Variants in TENM2 observed in about 807,000 individuals in gnomAD.
TENM2 encodes the protein teneurin-2.
Under a neutral mutation model 245.2 loss-of-function variants are expected in TENM2, and 52 were observed. The ratio of observed to expected loss-of-function variants is 0.21; its 90% CI spans 0.17 to 0.27. The LOEUF (loss-of-function observed/expected upper bound fraction) is 0.27. Among genes scored for constraint, TENM2 ranks in the 10% least tolerant of loss-of-function variants. The pLI is 1.00. For missense variants in TENM2, 3,046 were observed against 3,666.8 expected (o/e 0.83, Z 4.37); for synonymous variants, 1,363 against 1,438.9 (o/e 0.95, Z 1.19).
chr5:167,673,811 C>T (rs1561659948), intron 2 of TENM2, among the ~76,000 whole-genome samples: 1 of 151,832 alleles, frequency 6.6e-6, no homozygotes, highest in Non-Finnish European at 1.5e-5. Context: ...CTTCTATTGA[C>T]CTGTCTATTT....
intron 5 of TENM2, among the ~76,000 whole-genome samples, chr5:167,995,618 G>T (rs1350392913): frequency 4.6e-5 from 7 of 152,222 alleles, no homozygotes; most frequent in African/African-American, 1.7e-4. Context: ...CTTGGCCCCA[G>T]TTATTCCTTT....
chr5:167,222,794 T>G, the TENM2 span, among the ~76,000 whole-genome samples: 1 of 152,194 alleles, frequency 6.6e-6, no homozygotes, highest in African/African-American at 2.4e-5. Context: ...CTACAATTGT[T>G]TATTGTATTC....
At chr5:167,643,171 G>T (rs1014588268) in intron 2 of TENM2, among the ~76,000 whole-genome samples, 14 of 152,120 alleles carry the variant, frequency 9.2e-5, no homozygotes, top group African/African-American at 3.4e-4. Context: ...AATGATTTTT[G>T]GTAACTTTAC....
intron 2 of TENM2, among the ~76,000 whole-genome samples, chr5:167,603,931 G>C (rs1228505991): frequency 6.6e-6 from 1 of 152,168 alleles, no homozygotes; most frequent in African/African-American, 2.4e-5. Context: ...TGGAGTTTCA[G>C]GTAGCATATG....
At chr5:167,426,365 T>A (rs1763824206) in intron 2 of TENM2, among the ~76,000 whole-genome samples, 1 of 152,052 alleles carries the variant, frequency 6.6e-6, no homozygotes, top group Admixed American at 6.6e-5. Flanking sequence ...ATGTCTGTAG[T>A]CCCAGCTGTT....
At chr5:168,006,717 A>G (rs572882958) in intron 5 of TENM2, among the ~76,000 whole-genome samples, 1 of 152,308 alleles carries the variant, frequency 6.6e-6, no homozygotes, top group Non-Finnish European at 1.5e-5. Flanking sequence ...CCACAGCTGC[A>G]TCTTCTGCCT....
chr5:168,042,674 C>A (rs1448380560), intron 5 of TENM2, among the ~76,000 whole-genome samples: 1 of 152,146 alleles, frequency 6.6e-6, no homozygotes, highest in East Asian at 1.9e-4. Flanking sequence ...ACCCACCTGG[C>A]ACAAAAACAC....
chr5:167,541,945 G>T (rs1045864886), intron 2 of TENM2, among the ~76,000 whole-genome samples: 1 of 152,162 alleles, frequency 6.6e-6, no homozygotes, highest in Non-Finnish European at 1.5e-5. Context: ...AAAAGCTAGT[G>T]TCCTGAAAGT....
chr5:167,663,141 GGAGAGAGAGAGAGAGAGAGA>G (rs544699415), intron 2 of TENM2, among the ~76,000 whole-genome samples: 129 of 108,586 alleles, frequency 1.2e-3, no homozygotes, highest in African/African-American at 4.5e-3. Flanking sequence ...ATGGGGATGG[GGAGAGAGAGAGAGAGAGAGA>G]GAGAGAGAGA....
chr5:167,800,683 C>T (rs1358079458), intron 2 of TENM2, among the ~76,000 whole-genome samples: 5 of 152,168 alleles, frequency 3.3e-5, no homozygotes, highest in Non-Finnish European at 5.9e-5. Flanking sequence ...CAAGTGCTGG[C>T]AGCCCCGTGG....
the TENM2 span, among the ~76,000 whole-genome samples, chr5:167,206,686 T>C: frequency 6.6e-6 from 1 of 151,270 alleles, no homozygotes; most frequent in East Asian, 1.9e-4. Context: ...TTTTAACTCC[T>C]ACTGGACCCA....
intron 2 of TENM2, among the ~76,000 whole-genome samples, chr5:167,567,977 C>CAAAAAA (rs70976435): frequency 7.0e-5 from 10 of 141,904 alleles, no homozygotes; most frequent in African/African-American, 2.3e-4. Flanking sequence ...ATATATTGTA[C>CAAAAAA]AAAAAAAAAA....
At chr5:168,166,426 A>G (rs532792070) in intron 13 of TENM2, among the ~76,000 whole-genome samples, 1 of 152,358 alleles carries the variant, frequency 6.6e-6, no homozygotes, top group African/African-American at 2.4e-5. Context: ...AATAACAGAT[A>G]GAGATATTTG....
At chr5:166,989,929 A>G in the TENM2 span, among the ~76,000 whole-genome samples, 1 of 151,550 alleles carries the variant, frequency 6.6e-6, no homozygotes. Flanking sequence ...TCCTTTTGGT[A>G]TCATCAAGAG....
chr5:167,776,077 A>G (rs1244481600), intron 2 of TENM2, among the ~76,000 whole-genome samples: 1 of 151,472 alleles, frequency 6.6e-6, no homozygotes, highest in African/African-American at 2.4e-5. Context: ...ATTAAAAAGA[A>G]TTCCTAAATA....
chr5:167,852,334 GT>G (rs1212815585), intron 2 of TENM2, among the ~76,000 whole-genome samples: 17 of 152,202 alleles, frequency 1.1e-4, no homozygotes. Context: ...ACTGTAATAG[GT>G]TCATGAAGGA....
At chr5:167,645,776 C>A (rs1779887134) in intron 2 of TENM2, among the ~76,000 whole-genome samples, 1 of 151,716 alleles carries the variant, frequency 6.6e-6, no homozygotes, top group Non-Finnish European at 1.5e-5. Context: ...TATCTTTTCA[C>A]AAAGGTTATT....
chr5:167,313,230 C>T (rs1050228407), intron 1 of TENM2, among the ~76,000 whole-genome samples: 2 of 152,146 alleles, frequency 1.3e-5, no homozygotes, highest in Non-Finnish European at 2.9e-5. Flanking sequence ...TCAATTTTCT[C>T]TGTTCTTGGC....
chr5:167,009,424 A>C, the TENM2 span, among the ~76,000 whole-genome samples: 1 of 152,348 alleles, frequency 6.6e-6, no homozygotes, highest in East Asian at 1.9e-4. Context: ...TGCTCAAAAT[A>C]AATAAATGAC....
Sources: gnomAD v4.1 joint callset for allele counts (sites outside exome capture counted in the v4.1 genomes callset) on GRCh38, gnomAD v4.1.1 for gene constraint, MANE v1.5 for transcripts, NCBI Gene and HGNC (gene_info 2026-07-23, HGNC 2026-07-21) for gene names.